COX15: variants seen among roughly 807,000 people sequenced by gnomAD.
The protein encoded by COX15 is cytochrome c oxidase assembly factor COX15.
COX15 carries 51 observed loss-of-function variants against 51.9 expected under a neutral mutation model. That is an observed-to-expected ratio of 0.98 (90% CI 0.78 to 1.24). The LOEUF (loss-of-function observed/expected upper bound fraction) is 1.24. COX15 is among the 50% of genes most tolerant of loss of function. The pLI is 0.00. For synonymous variants in COX15, 188 were observed against 190.5 expected, an observed-to-expected ratio of 0.99 and a Z score of 0.11; for missense variants, 420 against 501.1, an observed-to-expected ratio of 0.84 and a Z score of 1.55.
Position 99,713,521 on chromosome 10 carries a change from A to C in COX15, c.*1066T>G, listed in dbSNP as rs781078683. 6.3e-6 allele frequency: 10 copies of C among 1,589,470 alleles called. No individual in the cohort carries two copies. The highest frequency in any genetic ancestry group is 8.6e-6 in the Non-Finnish European group (10 of 1,166,662). On this transcript the variant is annotated 3_prime_UTR_variant, in exon 9 of 9. Transcript: ENST00000016171. ...GAGACCAAAATCACATTAATTCAGCAGTCAACAATTTGTTTATCTGGGTAG... is the reference window on the plus strand; with the variant it reads ...GAGACCAAAATCACATTAATTCAGCCGTCAACAATTTGTTTATCTGGGTAG...
chr10:99,708,634 A>C, downstream of COX15: 1 of 190,114 alleles, frequency 5.3e-6, no homozygotes, highest in Non-Finnish European at 9.8e-6. Context: ...CAGGCTGCCC[A>C]AAAGAGCCTC....
At chr10:99,714,868 C>T in intron 8 of COX15, 150 bp from the exon 9 acceptor site, 2 of 1,408,122 alleles carry the variant, frequency 1.4e-6, no homozygotes, top group Non-Finnish European at 1.9e-6. Context: ...AGCAAATATG[C>T]TTACAATGAA....
Position 99,712,670 on chromosome 10 carries a change from G to C in COX15, c.*1917C>G, listed in dbSNP as rs905204275. On this transcript the variant is annotated 3_prime_UTR_variant, in exon 9 of 9. Transcript: ENST00000016171. ...AAAACCCAGAAGATCTAACAACCCT[G>C]GACCTGTAGAGTGGCAGCAACAGAC... 1 of 951,718 alleles carries C rather than the reference G, an allele frequency of 1.1e-6. No homozygotes were observed. The highest frequency in any genetic ancestry group is 6.2e-5 in the Admixed American group (1 of 16,200). The allele number at this position is 951,718 out of a possible 1,614,324, so 59.0% of individuals were successfully genotyped here.
chr10:99,705,767 T>C, the COX15 span: 1 of 152,236 alleles, frequency 6.6e-6, no homozygotes, highest in Non-Finnish European at 1.5e-5. Context: ...TTGGAATAGA[T>C]CAATCTGTTA....
Position 99,714,521 on chromosome 10 carries a change from A to C in COX15, c.*66T>G. 6.2e-7 allele frequency: 1 copy of C among 1,612,134 alleles called. No homozygotes were observed. The highest frequency in any genetic ancestry group is 8.5e-7 in the Non-Finnish European group (1 of 1,179,474). On this transcript the variant is annotated 3_prime_UTR_variant, in exon 9 of 9. Coordinates refer to ENST00000016171, the MANE Select transcript of COX15 (RefSeq NM_078470.6). The stretch of plus-strand genomic sequence containing the variant: ...CAAGGTCATCTCGTAGAAAAGCCCA[A>C]GTTCTTATGATCTCTGAAGAGCTCT...
chr10:99,724,590 C>T (rs1043015781), intron 4 of COX15, among the ~76,000 whole-genome samples: 2 of 151,908 alleles, frequency 1.3e-5, no homozygotes, highest in South Asian at 2.1e-4. Flanking sequence ...CATGATTTAT[C>T]CACAGTTCTT....
chr10:99,720,006 T>C (rs192651731), intron 6 of COX15, among the ~76,000 whole-genome samples: 1 of 152,348 alleles, frequency 6.6e-6, no homozygotes, highest in Non-Finnish European at 1.5e-5. Flanking sequence ...GCATCTGAAA[T>C]GTTGCTAGTG....
downstream of COX15, among the ~76,000 whole-genome samples, chr10:99,707,466 C>G (rs548433509): frequency 7.9e-5 from 12 of 152,326 alleles, no homozygotes; most frequent in Admixed American, 1.3e-4. Context: ...CTTCTAGGAG[C>G]AGAAATCTAT....
chr10:99,709,916 T>A, downstream of COX15: 3 of 985,472 alleles, frequency 3.0e-6, no homozygotes, highest in Non-Finnish European at 2.4e-6. Flanking sequence ...GAGATCCTTT[T>A]ATTAGTAAAA....
rs2036413399 is a variant in COX15, at chr10:99,712,154, T to C, written c.*2433A>G. ...AAATACCTCCTACTAGGCCCACCTCTAACACTGAATGTCACACTTTGAACA... is the reference window on the plus strand; with the variant it reads ...AAATACCTCCTACTAGGCCCACCTCCAACACTGAATGTCACACTTTGAACA... On this transcript the variant is annotated 3_prime_UTR_variant, in exon 9 of 9. Transcript: ENST00000016171. 1.1e-6 allele frequency: 1 copy of C among 908,654 alleles called. No homozygotes were observed. The highest frequency in any genetic ancestry group is 6.2e-5 in the Admixed American group (1 of 16,190). The allele number at this position is 908,654 out of a possible 1,614,324, so 56.3% of individuals were successfully genotyped here.
chr10:99,721,217 G>A, intron 5 of COX15, 149 bp from the exon 6 acceptor site: 4 of 690,126 alleles, frequency 5.8e-6, no homozygotes, highest in South Asian at 4.6e-5. Flanking sequence ...CAGATATTCT[G>A]TTCCAACATG....
chr10:99,731,964 G>A lies in COX15; in HGVS notation c.86C>T (p.Ala29Val), dbSNP rs1197322688. 2 of 1,610,064 alleles carry A rather than the reference G, an allele frequency of 1.2e-6. No homozygotes were observed. The highest frequency in any genetic ancestry group is 2.2e-5 in the East Asian group (1 of 44,780). ...PLLAPRAAPR[A>V]QCDCIRRPLR... is the part of the protein sequence containing the mutation. ...GAGTCCGCTGCAGTGCGGTACCTGTGCTCTAGGCGCTGCCCTAGGAGCCAG... is the reference window on the plus strand; with the variant it reads ...GAGTCCGCTGCAGTGCGGTACCTGTACTCTAGGCGCTGCCCTAGGAGCCAG... Residue 29 changes from alanine (A) to valine (V), a missense_variant, in exon 1 of 9, where the codon GCA becomes GTA. Ala to Val is a moderately conservative substitution (Grantham distance 64). Transcript: ENST00000016171.
chr10:99,732,022 T>G lies in COX15; in HGVS notation c.28A>C (p.Arg10=), dbSNP rs1202678199. The stretch of plus-strand genomic sequence containing the variant: ...AGATACTGCCTCCCCTTCAAGGCCC[T>G]CAACGGCGGAAAGAGCAATCGCTGC... The part of the protein sequence containing the change: MQRLLFPPL[R]ALKGRQYLPL... The change falls in exon 1 of 9, where the codon AGG becomes CGG. Residue 10 remains arginine (R), a synonymous_variant. Transcript: ENST00000016171. The G allele has an allele frequency of 6.2e-7, 1 of 1,613,210 alleles. No homozygotes were observed. Among genetic ancestry groups the G allele is most frequent in the South Asian group, 1.1e-5 (1 of 90,836 alleles).
At chr10:99,717,899 T>TA (rs2036625735) in intron 7 of COX15, among the ~76,000 whole-genome samples, 1 of 152,140 alleles carries the variant, frequency 6.6e-6, no homozygotes, top group African/African-American at 2.4e-5. Context: ...CCTCAAAACA[T>TA]ATTCGCTTAA....
chr10:99,727,020 C>T lies in COX15; in HGVS notation c.530G>A (p.Ser177Asn). The stretch of plus-strand genomic sequence containing the variant: ...AAGAACACGTCCTTTCATGCCACGG[C>T]TGAGCCAGCCCTTTCTCCAAAAGTA... ...AAYFWRKGWL[S>N]RGMKGRVLAL... Residue 177 changes from serine (S) to asparagine (N), a missense_variant, in exon 4 of 9, where the codon AGC becomes AAC. Ser to Asn is a conservative substitution (Grantham distance 46). Transcript: ENST00000016171. 1 of 1,614,166 alleles carries T rather than the reference C, an allele frequency of 6.2e-7. No individual in the cohort carries two copies. Among genetic ancestry groups the T allele is most frequent in the East Asian group, 2.2e-5 (1 of 44,882 alleles).
chr10:99,724,511 T>C (rs2036884005), intron 4 of COX15, among the ~76,000 whole-genome samples: 1 of 152,128 alleles, frequency 6.6e-6, no homozygotes. Context: ...GGAAATGAGC[T>C]ATCAGGAGTA....
chr10:99,719,249 T>C (rs1184317302), intron 6 of COX15, among the ~76,000 whole-genome samples: 1 of 152,120 alleles, frequency 6.6e-6, no homozygotes, highest in Admixed American at 6.5e-5. Flanking sequence ...AGACGCAGTC[T>C]GGCTCTGTCC....
rs1387776728 is a variant in COX15 at position 99,727,480 on chromosome 10, G to GCTT, written c.353_355dup (p.Glu118dup). The stretch of plus-strand genomic sequence containing the variant: ...AAATTGCTGGTATCTTTGGAATTCT[G>GCTT]CTTCCCATTCCTCTTGGCTTGTAGG... On this transcript the variant is annotated inframe_insertion, in exon 3 of 9. Transcript: ENST00000016171. 1 of 1,613,656 alleles carries GCTT rather than the reference G, an allele frequency of 6.2e-7. No homozygotes were observed. Among genetic ancestry groups the GCTT allele is most frequent in the African/African-American group, 1.3e-5 (1 of 74,882 alleles).
At chr10:99,704,325 T>C in the COX15 span, 7 of 893,646 alleles carry the variant, frequency 7.8e-6, no homozygotes, top group African/African-American at 3.3e-5. Flanking sequence ...TCTGTGGAGC[T>C]GGTGTCATAA....
Sources: allele counts gnomAD v4.1 joint callset (sites outside exome capture counted in the v4.1 genomes callset), GRCh38; gene constraint gnomAD v4.1.1; transcripts MANE v1.5; gene names NCBI Gene and HGNC (gene_info 2026-07-23, HGNC 2026-07-21).